Variants in PLCB1 observed in about 807,000 individuals in gnomAD.
PLCB1 encodes 1-phosphatidylinositol 4,5-bisphosphate phosphodiesterase beta-1.
PLCB1 carries 46 observed loss-of-function variants against 161.8 expected under a neutral mutation model. The observed-to-expected ratio is 0.28, with a 90% CI of 0.22 to 0.36. The LOEUF (loss-of-function observed/expected upper bound fraction) is 0.36. Ranked by LOEUF, PLCB1 falls within the 10% of genes least tolerant of loss-of-function variation. The pLI is 1.00. For missense variants in PLCB1, 1,016 were observed against 1,472.5 expected (o/e 0.69, Z 5.07); for synonymous variants, 517 against 503.7 (o/e 1.03, Z -0.35).
At chr20:8,544,378 A>G (rs1225875082) in intron 3 of PLCB1, among the ~76,000 whole-genome samples, 2 of 152,194 alleles carry the variant, frequency 1.3e-5, no homozygotes, top group Non-Finnish European at 2.9e-5. Flanking sequence ...CCGAAATGCA[A>G]AAGCACACTA....
intron 4 of PLCB1, among the ~76,000 whole-genome samples, chr20:8,644,252 GC>G (rs1313128436): frequency 6.6e-6 from 1 of 151,116 alleles, no homozygotes. Flanking sequence ...CTGCCTGGCC[GC>G]CCATCGTCTG....
chr20:8,762,543 AGCTGATAT>A (rs1444586153), intron 25 of PLCB1, among the ~76,000 whole-genome samples: 2 of 152,238 alleles, frequency 1.3e-5, no homozygotes, highest in African/African-American at 2.4e-5. Context: ...AACTGCCTAT[AGCTGATAT>A]GCTGTAAACC....
chr20:8,765,593 G>C (rs558167138), intron 26 of PLCB1, among the ~76,000 whole-genome samples: 1 of 152,074 alleles, frequency 6.6e-6, no homozygotes, highest in Admixed American at 6.5e-5. Context: ...TCTAGCCTGC[G>C]ATCCCAATTC....
chr20:8,823,506 C>A (rs2146267406), intron 31 of PLCB1, among the ~76,000 whole-genome samples: 1 of 152,324 alleles, frequency 6.6e-6, no homozygotes, highest in South Asian at 2.1e-4. Context: ...GTCCTGGAAC[C>A]AATCCCCCAT....
At chr20:8,137,884 A>G (rs6140549) in intron 1 of PLCB1, among the ~76,000 whole-genome samples, 79,743 of 152,132 alleles carry the variant, frequency 0.52, 23,218 homozygotes, top group African/African-American at 0.78. Flanking sequence ...TCAGCCTAAA[A>G]CATTTTTATT....
chr20:8,134,352 A>G (rs1179818743), intron 1 of PLCB1, among the ~76,000 whole-genome samples: 1 of 152,224 alleles, frequency 6.6e-6, no homozygotes, highest in Non-Finnish European at 1.5e-5. Flanking sequence ...AGAGAAAGAG[A>G]CTTTGCAGAA....
intron 9 of PLCB1, 121 bp downstream of exon 9, chr20:8,658,825 T>A: frequency 1.2e-6 from 1 of 817,478 alleles, no homozygotes; most frequent in South Asian, 1.9e-5. Context: ...AGGCATTCCT[T>A]TCGGTCTGAA....
At chr20:8,549,499 G>A (rs1470924176) in intron 3 of PLCB1, among the ~76,000 whole-genome samples, 1 of 152,182 alleles carries the variant, frequency 6.6e-6, no homozygotes, top group Middle Eastern at 3.2e-3. Flanking sequence ...TGATCCCCAT[G>A]TGTTGAGGGC....
chr20:8,320,798 G>GAAGA (rs143431395), intron 2 of PLCB1, among the ~76,000 whole-genome samples: 37,211 of 125,270 alleles, frequency 0.3, 5,313 homozygotes, highest in South Asian at 0.47. Context: ...CAGAAAGAAA[G>GAAGA]AAGAAAGAAA....
At chr20:8,244,661 C>T (rs1980787431) in intron 2 of PLCB1, among the ~76,000 whole-genome samples, 1 of 151,784 alleles carries the variant, frequency 6.6e-6, no homozygotes, top group African/African-American at 2.4e-5. Context: ...TGTACATATG[C>T]AAACACTCAT....
At chr20:8,848,261 G>A (rs1986759945) in intron 31 of PLCB1, among the ~76,000 whole-genome samples, 1 of 152,076 alleles carries the variant, frequency 6.6e-6, no homozygotes, top group Non-Finnish European at 1.5e-5. Flanking sequence ...ACGGAGTTAG[G>A]GTGTGCTGCC....
intron 2 of PLCB1, among the ~76,000 whole-genome samples, chr20:8,343,150 G>A (rs1048753863): frequency 5.3e-5 from 8 of 152,178 alleles, no homozygotes; most frequent in African/African-American, 1.9e-4. Context: ...CCAAGCATGT[G>A]GGGCTCTAGG....
At chr20:8,173,031 C>A (rs926394582) in intron 2 of PLCB1, among the ~76,000 whole-genome samples, 3 of 152,174 alleles carry the variant, frequency 2.0e-5, no homozygotes, top group African/African-American at 7.2e-5. Flanking sequence ...TCAGTTATGG[C>A]TAGCCATACA....
At chr20:8,385,381 G>A (rs987314364) in intron 3 of PLCB1, among the ~76,000 whole-genome samples, 2 of 152,198 alleles carry the variant, frequency 1.3e-5, no homozygotes, top group South Asian at 4.1e-4. Flanking sequence ...CCTGGCCCCA[G>A]GAGAGGAAAA....
At chr20:8,273,267 G>A (rs9680000) in intron 2 of PLCB1, among the ~76,000 whole-genome samples, 3 of 152,000 alleles carry the variant, frequency 2.0e-5, no homozygotes, top group East Asian at 1.9e-4. Context: ...GTATGTAACC[G>A]TCATTTTATG....
chr20:8,335,040 C>G (rs1466592960), intron 2 of PLCB1, among the ~76,000 whole-genome samples: 2 of 152,162 alleles, frequency 1.3e-5, no homozygotes, highest in Non-Finnish European at 2.9e-5. Flanking sequence ...GAATGAAGCT[C>G]TATTCATCAA....
chr20:8,724,790 A>G, intron 16 of PLCB1, 38 bp downstream of exon 16: 1 of 1,063,908 alleles, frequency 9.4e-7, no homozygotes, highest in Non-Finnish European at 1.5e-6. Context: ...CTTGCAGCAT[A>G]TAATGATTAT....
chr20:8,469,743 A>G (rs1981971707), intron 3 of PLCB1, among the ~76,000 whole-genome samples: 1 of 152,206 alleles, frequency 6.6e-6, no homozygotes, highest in African/African-American at 2.4e-5. Context: ...ACAAGTAACC[A>G]GTCACCTATT....
chr20:8,623,920 A>T (rs992618215), intron 3 of PLCB1: 55 of 152,206 alleles, frequency 3.6e-4, no homozygotes, highest in African/African-American at 1.3e-3. Flanking sequence ...TGAAAATGAG[A>T]GGTATGAGGA....
Sources: gnomAD v4.1 joint callset for allele counts (sites outside exome capture counted in the v4.1 genomes callset) on GRCh38, gnomAD v4.1.1 for gene constraint, MANE v1.5 for transcripts, NCBI Gene and HGNC (gene_info 2026-07-23, HGNC 2026-07-21) for gene names.